Variants in FOXP2 observed in about 807,000 individuals in gnomAD.
FOXP2 encodes forkhead box P2, also known as forkhead box protein P2.
A neutral mutation model predicts 115.8 loss-of-function variants in FOXP2; 12 were observed. That is an observed-to-expected ratio of 0.10 (90% confidence interval 0.07 to 0.17). The LOEUF is 0.17. FOXP2 is among the 10% of genes least tolerant of loss of function. FOXP2 has a pLI of 1.00. For synonymous variants in FOXP2, 328 were observed against 297.7 expected, an observed-to-expected ratio of 1.10 and a Z score of -1.05; for missense variants, 629 against 843.5, an observed-to-expected ratio of 0.75 and a Z score of 3.15.
At chr7:114,176,288 CTTTCTTTCTT>C (rs763711420) in intron 1 of FOXP2, among the ~76,000 whole-genome samples, 942 of 42,182 alleles carry the variant, frequency 0.022, 7 homozygotes, top group Non-Finnish European at 0.048. Context: ...TTCTTTCTTT[CTTTCTTTCTT>C]TCTCTCTCTC....
At chr7:114,550,982 CT>C (rs11440221) in intron 3 of FOXP2, among the ~76,000 whole-genome samples, 1 of 151,890 alleles carries the variant, frequency 6.6e-6, no homozygotes, top group South Asian at 2.1e-4. Context: ...GCTAATAAAT[CT>C]TTTTTTCTAC....
chr7:114,431,682 A>G (rs986818437), intron 2 of FOXP2, among the ~76,000 whole-genome samples: 3 of 151,902 alleles, frequency 2.0e-5, no homozygotes, highest in Non-Finnish European at 4.4e-5. Context: ...TGTAATTGTA[A>G]TTTTTATTAA....
At chr7:114,286,423 G>C (rs760893331) in intron 1 of FOXP2, among the ~76,000 whole-genome samples, 4 of 151,910 alleles carry the variant, frequency 2.6e-5, no homozygotes, top group Admixed American at 6.6e-5. Context: ...AGAATTTATA[G>C]ACTGATTTAG....
At chr7:114,321,894 AT>A (rs1484512439) in intron 2 of FOXP2, among the ~76,000 whole-genome samples, 11 of 152,212 alleles carry the variant, frequency 7.2e-5, no homozygotes. Flanking sequence ...GTCCATAGCT[AT>A]TAAATAGAGA....
At chr7:114,140,171 C>G (rs1038720810) in intron 1 of FOXP2, among the ~76,000 whole-genome samples, 1 of 152,054 alleles carries the variant, frequency 6.6e-6, no homozygotes, top group Admixed American at 6.6e-5. Flanking sequence ...ATCCTGCAGA[C>G]TTTTGTTGTG....
At chr7:114,587,401 G>A (rs184277102) in intron 3 of FOXP2, among the ~76,000 whole-genome samples, 116 of 152,106 alleles carry the variant, frequency 7.6e-4, no homozygotes, top group Admixed American at 3.7e-3. Context: ...GAATAATGGC[G>A]TCCAGCTTAA....
intron 1 of FOXP2, among the ~76,000 whole-genome samples, chr7:114,157,131 T>C (rs1241476231): frequency 6.6e-6 from 1 of 152,134 alleles, no homozygotes; most frequent in Non-Finnish European, 1.5e-5. Context: ...TCCATACCAT[T>C]CCTTGTCAAA....
chr7:114,514,731 A>G (rs564753844), intron 2 of FOXP2, among the ~76,000 whole-genome samples: 1 of 150,480 alleles, frequency 6.6e-6, no homozygotes, highest in African/African-American at 2.4e-5. Context: ...CTATTTTATT[A>G]TTATTGAACT....
At chr7:114,614,538 A>G (rs1423019796) in intron 3 of FOXP2, among the ~76,000 whole-genome samples, 1 of 151,426 alleles carries the variant, frequency 6.6e-6, no homozygotes, top group Admixed American at 6.6e-5. Context: ...TCTTTTATGG[A>G]CTCTGGGTTT....
intron 2 of FOXP2, among the ~76,000 whole-genome samples, chr7:114,514,628 G>A (rs1164165108): frequency 6.6e-6 from 1 of 150,744 alleles, no homozygotes; most frequent in African/African-American, 2.4e-5. Context: ...CCATATCTTA[G>A]CTATTGTAAA....
intron 1 of FOXP2, among the ~76,000 whole-genome samples, chr7:114,117,362 C>T (rs1791438343): frequency 6.6e-6 from 1 of 151,798 alleles, no homozygotes; most frequent in Non-Finnish European, 1.5e-5. Context: ...GCTGGGATTA[C>T]AGATGTGCAC....
chr7:114,143,196 C>T (rs756102789), intron 1 of FOXP2, among the ~76,000 whole-genome samples: 2 of 150,454 alleles, frequency 1.3e-5, no homozygotes, highest in Non-Finnish European at 3.0e-5. Flanking sequence ...TAGCCTACTT[C>T]CAACTTGTAT....
At chr7:114,582,033 T>C (rs996414353) in intron 3 of FOXP2, among the ~76,000 whole-genome samples, 8 of 152,074 alleles carry the variant, frequency 5.3e-5, no homozygotes, top group Non-Finnish European at 1.2e-4. Context: ...AATGATAGAA[T>C]GGTGGCTTGA....
intron 10 of FOXP2, among the ~76,000 whole-genome samples, chr7:114,655,449 G>A (rs558619426): frequency 2.0e-5 from 3 of 152,218 alleles, no homozygotes; most frequent in African/African-American, 4.8e-5. Context: ...GCGTTTGATG[G>A]TGGGCAATTA....
At chr7:114,131,547 G>A (rs1791878010) in intron 1 of FOXP2, among the ~76,000 whole-genome samples, 2 of 151,358 alleles carry the variant, frequency 1.3e-5, no homozygotes, top group Non-Finnish European at 1.5e-5. Context: ...CCTGCTGCAA[G>A]GAATGTGCAA....
At position 114,554,525 on chromosome 7, in the gene FOXP2, T is replaced by C. The variant is rs185162286; in HGVS notation, c.258+19819T>C. Among the ~76,000 whole-genome samples the C allele has an allele frequency of 1.5e-3, 226 of 152,284 alleles. 1 individual carries two copies. Among genetic ancestry groups the C allele is most frequent in the African/African-American group, 5.0e-3 (209 of 41,570 alleles). Reference sequence around the variant, plus strand: ...TTCTTTCCCAGTAAACTTATTTATATGTAAAAATGACAATTCTGTATTATT... The same window carrying C: ...TTCTTTCCCAGTAAACTTATTTATACGTAAAAATGACAATTCTGTATTATT... On this transcript the variant is annotated intron_variant, in intron 3 of 16. Coordinates refer to ENST00000350908, the MANE Select transcript of FOXP2 (RefSeq NM_014491.4).
intron 2 of FOXP2, among the ~76,000 whole-genome samples, chr7:114,351,120 A>G (rs1252634758): frequency 2.6e-5 from 4 of 152,194 alleles, no homozygotes; most frequent in Admixed American, 6.5e-5. Flanking sequence ...TGTTGAATCC[A>G]TAAGTGCAGA....
intron 2 of FOXP2, among the ~76,000 whole-genome samples, chr7:114,387,658 G>T (rs958903142): frequency 2.6e-5 from 4 of 151,954 alleles, no homozygotes; most frequent in Admixed American, 6.6e-5. Flanking sequence ...AACTTTTGAT[G>T]GGAAGAACAG....
intron 1 of FOXP2, among the ~76,000 whole-genome samples, chr7:114,262,707 A>G (rs890574940): frequency 6.6e-6 from 1 of 152,194 alleles, no homozygotes; most frequent in African/African-American, 2.4e-5. Flanking sequence ...CCAATATTAG[A>G]CAATGCAGGT....
Sources: gnomAD v4.1 joint callset for allele counts (sites outside exome capture counted in the v4.1 genomes callset) on GRCh38, gnomAD v4.1.1 for gene constraint, MANE v1.5 for transcripts, NCBI Gene and HGNC (gene_info 2026-07-23, HGNC 2026-07-21) for gene names.